SYNGR1: variants seen among roughly 807,000 people sequenced by gnomAD.
The protein encoded by SYNGR1 is synaptogyrin-1.
Under a neutral mutation model 26.1 loss-of-function variants are expected in SYNGR1, and 14 were observed. That is an observed-to-expected ratio of 0.54 (90% CI 0.35 to 0.84). The LOEUF is 0.84. Among genes scored for constraint, SYNGR1 ranks in the 40% least tolerant of loss-of-function variants. The pLI is 0.01. For missense variants in SYNGR1, 319 were observed against 332.9 expected, an observed-to-expected ratio of 0.96 and a Z score of 0.33; for synonymous variants, 141 against 150.1, an observed-to-expected ratio of 0.94 and a Z score of 0.44.
At chr22:39,360,766 C>A (rs1924434203) in intron 1 of SYNGR1, among the ~76,000 whole-genome samples, 1 of 152,110 alleles carries the variant, frequency 6.6e-6, no homozygotes, top group African/African-American at 2.4e-5. Context: ...GCAGGTGACA[C>A]CAGCGTTGAG....
intron 1 of SYNGR1, among the ~76,000 whole-genome samples, chr22:39,369,288 G>A (rs16985831): frequency 0.027 from 4,091 of 152,232 alleles, 135 homozygotes; most frequent in African/African-American, 0.073. Flanking sequence ...CAAGCAGCTG[G>A]CCGTGTACTG....
At chr22:39,363,919 G>T (rs1924608711) in intron 1 of SYNGR1, among the ~76,000 whole-genome samples, 1 of 152,170 alleles carries the variant, frequency 6.6e-6, no homozygotes, top group Admixed American at 6.5e-5. Flanking sequence ...TCTCTCTGCA[G>T]CTTATCTGGG....
intron 3 of SYNGR1, chr22:39,378,082 A>G: frequency 1.7e-6 from 2 of 1,181,614 alleles, no homozygotes; most frequent in Middle Eastern, 3.9e-4. Flanking sequence ...CATGGTCCCC[A>G]TTGCTGAGCT....
intron 3 of SYNGR1, among the ~76,000 whole-genome samples, chr22:39,376,524 G>A (rs1035245746): frequency 6.6e-6 from 1 of 152,120 alleles, no homozygotes; most frequent in Non-Finnish European, 1.5e-5. Context: ...AGATGAGAAA[G>A]CAGAGGCCTA....
At chr22:39,356,599 G>A (rs937966623) in intron 1 of SYNGR1, among the ~76,000 whole-genome samples, 1 of 152,116 alleles carries the variant, frequency 6.6e-6, no homozygotes, top group Non-Finnish European at 1.5e-5. Context: ...GAAGAGAGGA[G>A]GAGAAGCCAG....
At position 39,358,851 on chromosome 22, in the gene SYNGR1, G is replaced by A. The variant is rs898079206; in HGVS notation, c.99+8742G>A. Among the ~76,000 whole-genome samples the A allele has an allele frequency of 2.6e-5, 4 of 152,322 alleles. 1 individual carries two copies. The South Asian group carries it at 8.3e-4, about 32-fold the overall frequency. On this transcript the variant is annotated intron_variant, in intron 1 of 3. Coordinates refer to ENST00000328933, the MANE Select transcript of SYNGR1 (RefSeq NM_004711.5). ...AGGGCAGTCATGCCCTGTGTTTCTG[G>A]GACAAACGTCCCTTCACAGATAGAG...
In SYNGR1 at chr22:39,384,478, T is replaced by C; in HGVS notation, c.*2564T>C. On this transcript the variant is annotated 3_prime_UTR_variant, in exon 4 of 4. Transcript: ENST00000328933. Reference sequence around the variant, plus strand: ...TGATCTTCCCCATCAGGCTGGGCTCTGGCAGGGACCTGCCCAGGATGGAGA... The same window carrying C: ...TGATCTTCCCCATCAGGCTGGGCTCCGGCAGGGACCTGCCCAGGATGGAGA... 1 of 398,768 alleles carries C rather than the reference T, an allele frequency of 2.5e-6. No homozygotes were observed. Among genetic ancestry groups the C allele is most frequent in the Non-Finnish European group, 4.4e-6 (1 of 226,114 alleles). The allele number at this position is 398,768 out of a possible 1,614,324, so 24.7% of individuals were successfully genotyped here. A position where few individuals can be genotyped will look rare whatever the true frequency, so the allele number is the denominator to read the frequency against.
rs1925276261 is a variant in SYNGR1 at position 39,376,206 on chromosome 22, A to T, written c.483+9A>T. On this transcript the variant is annotated intron_variant, in intron 3 of 3. Coordinates refer to ENST00000328933, the MANE Select transcript of SYNGR1 (RefSeq NM_004711.5). ...TCTCCATCTTCACCTGGGTGAGTAC[A>T]GCCACCGCGCACCAGCCCACACTCG... The T allele has an allele frequency of 6.2e-7, 1 of 1,613,752 alleles. No individual in the cohort carries two copies. Among genetic ancestry groups the T allele is most frequent in the African/African-American group, 1.3e-5 (1 of 74,898 alleles).
intron 2 of SYNGR1, chr22:39,375,100 T>C (rs538845128): frequency 1.2e-5 from 2 of 167,850 alleles, no homozygotes; most frequent in African/African-American, 4.8e-5. Flanking sequence ...TCCAGGAATC[T>C]GATTGGTGGA....
chr22:39,377,546 G>A, intron 3 of SYNGR1: 1 of 1,597,926 alleles, frequency 6.3e-7, no homozygotes, highest in South Asian at 1.1e-5. Flanking sequence ...CCTCCCTCCT[G>A]GCACCTCTGC....
intron 3 of SYNGR1, 100 bp downstream of exon 3, chr22:39,376,297 G>T: frequency 6.3e-7 from 1 of 1,587,536 alleles, no homozygotes; most frequent in Non-Finnish European, 8.6e-7. Context: ...CTCTGCCTCT[G>T]GGAGCCCACA....
At chr22:39,378,718 CAGAG>C (rs1925396760) in intron 3 of SYNGR1, among the ~76,000 whole-genome samples, 1 of 152,206 alleles carries the variant, frequency 6.6e-6, no homozygotes, top group Admixed American at 6.5e-5. Flanking sequence ...GGAGATGCTG[CAGAG>C]AGAGCACCTA....
At position 39,374,458 on chromosome 22, in the gene SYNGR1, C is replaced by G; in HGVS notation, c.242C>G (p.Thr81Ser). 2 of 1,614,008 alleles carry G rather than the reference C, an allele frequency of 1.2e-6. No homozygotes were observed. The highest frequency in any genetic ancestry group is 2.2e-5 in the South Asian group (2 of 91,086). ...GCCGTGGGCGTGCTCGCCTTCCTCA[C>G]CTGCCTGCTGTACCTGGCCCTGGAC... ...GVAVGVLAFL[T>S]CLLYLALDVY... The change falls in exon 2 of 4, where the codon ACC becomes AGC. Residue 81 changes from threonine to serine, a missense_variant. By Grantham distance (58) the Thr-to-Ser change is moderately conservative. Coordinates refer to ENST00000328933, the MANE Select transcript of SYNGR1 (RefSeq NM_004711.5).
chr22:39,380,203 G>A (rs1045105112), intron 3 of SYNGR1, among the ~76,000 whole-genome samples: 3 of 150,402 alleles, frequency 2.0e-5, no homozygotes, highest in South Asian at 2.1e-4. Context: ...GGCTAGGCGC[G>A]GTCACATTGA....
chr22:39,359,889 C>T (rs555789893), intron 1 of SYNGR1, among the ~76,000 whole-genome samples: 1 of 152,174 alleles, frequency 6.6e-6, no homozygotes, highest in African/African-American at 2.4e-5. Flanking sequence ...CTCCTCCAAC[C>T]CTCCTACCTT....
Position 39,356,027 on chromosome 22 carries a change from G to T in SYNGR1, c.99+5918G>T, listed in dbSNP as rs532885700. Among the ~76,000 whole-genome samples, 3 of 152,188 alleles carry T rather than the reference G, an allele frequency of 2.0e-5. No individual in the cohort carries two copies. In the East Asian group the frequency reaches 5.8e-4, roughly 29 times the overall value. Reference sequence around the variant, plus strand: ...AGAGTGAAACTCCATTTCAAAAAAAGAAAAGAAAAAGAAAGAAAGGAAAAG... The same window carrying T: ...AGAGTGAAACTCCATTTCAAAAAAATAAAAGAAAAAGAAAGAAAGGAAAAG... On this transcript the variant is annotated intron_variant, in intron 1 of 3. Transcript: ENST00000328933.
At position 39,350,376 on chromosome 22, in the gene SYNGR1, C is replaced by G. The variant is rs912765211; in HGVS notation, c.99+267C>G. Among the ~76,000 whole-genome samples the G allele has an allele frequency of 6.6e-5, 10 of 152,180 alleles. No homozygotes were observed. The highest frequency in any genetic ancestry group is 6.5e-5 in the Admixed American group (1 of 15,286). ...CTGGGGCCCCCGGTTCGTGCGCCCC[C>G]CTTCCCGCCCCGATTGCTGTGACCT... is the stretch of plus-strand genomic sequence containing the variant. On this transcript the variant is annotated intron_variant, in intron 1 of 3. Coordinates refer to ENST00000328933, the MANE Select transcript of SYNGR1 (RefSeq NM_004711.5). This position sits in a 1 kb window ranked among gnomAD's most constrained non-coding sequence, Gnocchi z 4.3.
In SYNGR1 at chr22:39,376,035, G is replaced by T. The variant is rs1317825546; in HGVS notation, c.338-17G>T. 2 of 1,614,058 alleles carry T rather than the reference G, an allele frequency of 1.2e-6. No homozygotes were observed. The highest frequency in any genetic ancestry group is 1.7e-6 in the Non-Finnish European group (2 of 1,180,012). ...TGTGTGGCACTGCCTATTCTGCCCG[G>T]TCCTGGGACCCCCCAGCCTTCTGGG... On this transcript the variant is annotated splice_polypyrimidine_tract_variant and intron_variant, in intron 2 of 3. Transcript: ENST00000328933.
intron 1 of SYNGR1, among the ~76,000 whole-genome samples, chr22:39,357,327 G>T (rs1924187682): frequency 6.6e-6 from 1 of 152,150 alleles, no homozygotes; most frequent in South Asian, 2.1e-4. Flanking sequence ...TGCAGCAGAG[G>T]GGGCACTGGG....
Sources: allele counts gnomAD v4.1 joint callset (sites outside exome capture counted in the v4.1 genomes callset), GRCh38; gene constraint gnomAD v4.1.1; non-coding constraint Gnocchi (gnomAD v3.1); transcripts MANE v1.5; gene names NCBI Gene and HGNC (gene_info 2026-07-23, HGNC 2026-07-21).